The following STON2 variants were observed in gnomAD, a reference collection of about 807,000 sequenced individuals.
STON2 encodes the protein stonin-2.
A neutral mutation model predicts 65.7 loss-of-function variants in STON2; 29 were observed. The observed-to-expected ratio is 0.44, with a 90% CI of 0.33 to 0.60. STON2 has a LOEUF of 0.60. Ranked by LOEUF, STON2 falls within the 20% of genes least tolerant of loss-of-function variation. STON2 has a pLI of 0.03. For synonymous variants in STON2, 404 were observed against 414.2 expected (o/e 0.98, Z 0.30); for missense variants, 1,054 against 1,118.1 (o/e 0.94, Z 0.82).
At chr14:81,286,011 GGTGGCGGGCACCTGTA>G (rs71107116) in intron 5 of STON2, among the ~76,000 whole-genome samples, 19,586 of 152,084 alleles carry the variant, frequency 0.13, 1,424 homozygotes, top group Middle Eastern at 0.16. Flanking sequence ...AGCTGGGCAT[GGTGGCGGGCACCTGTA>G]GTCCCAGCCA....
chr14:81,293,849 G>A (rs1895658117), intron 5 of STON2, among the ~76,000 whole-genome samples: 1 of 152,116 alleles, frequency 6.6e-6, no homozygotes, highest in South Asian at 2.1e-4. Flanking sequence ...ACAGGTAGGG[G>A]AATGCTCAAG....
chr14:81,371,155 C>A lies in STON2; in HGVS notation c.404G>T (p.Cys135Phe). 1 of 1,614,146 alleles carries A rather than the reference C, an allele frequency of 6.2e-7. No homozygotes were observed. The change falls in exon 4 of 8, where the codon TGC becomes TTC. Residue 135 changes from cysteine (C) to phenylalanine (F), a missense_variant. Coordinates refer to ENST00000614646, the MANE Select transcript of STON2 (RefSeq NM_001394390.1). ...TCTCCCCAGGGAGTCAAAGGAAGGG[C>A]ATGTCCAGCAGGGCATGGTCAATGG... ...ALPLTMPCWTCPSFDSLGRCP... is the reference protein window; with the variant it reads ...ALPLTMPCWTFPSFDSLGRCP...
chr14:81,389,194 G>C (rs1899962288), intron 3 of STON2, among the ~76,000 whole-genome samples: 1 of 152,218 alleles, frequency 6.6e-6, no homozygotes, highest in African/African-American at 2.4e-5. Context: ...GAAAGAGTCA[G>C]TTTGCTCCAG....
intron 3 of STON2, among the ~76,000 whole-genome samples, chr14:81,373,239 A>G (rs1260035345): frequency 6.6e-6 from 1 of 152,198 alleles, no homozygotes. Flanking sequence ...TATCAACAGA[A>G]GCACCACAAA....
intron 4 of STON2, among the ~76,000 whole-genome samples, chr14:81,370,112 T>C: frequency 6.6e-6 from 1 of 152,188 alleles, no homozygotes; most frequent in East Asian, 1.9e-4. Flanking sequence ...CTCTCTATAC[T>C]TGTAGAATTG....
Position 81,277,133 on chromosome 14 carries a change from C to A in STON2, c.2349G>T (p.Glu783Asp). The A allele has an allele frequency of 1.2e-6, 2 of 1,614,228 alleles. No individual in the cohort carries two copies. Among genetic ancestry groups the A allele is most frequent in the Non-Finnish European group, 1.7e-6 (2 of 1,180,038 alleles). ...GCACAGGGTAACGGATCATCACATT[C>A]TCACAGGGAACCTGAGTGAGGGGGT... ...NRDPLTQVPCENVMIRYPVPS... is the reference protein window; with the variant it reads ...NRDPLTQVPCDNVMIRYPVPS... The change falls in exon 6 of 8, where the codon GAG becomes GAT. Residue 783 changes from glutamate (E) to aspartate (D), a missense_variant. Transcript: ENST00000614646.
At chr14:81,288,731 G>A (rs988271999) in intron 5 of STON2, among the ~76,000 whole-genome samples, 3 of 150,144 alleles carry the variant, frequency 2.0e-5, no homozygotes, top group Admixed American at 6.6e-5. Flanking sequence ...AGTGAAAAGG[G>A]GGCTCTTTTT....
At chr14:81,302,184 G>A (rs979772485) in intron 5 of STON2, among the ~76,000 whole-genome samples, 1 of 152,200 alleles carries the variant, frequency 6.6e-6, no homozygotes, top group Non-Finnish European at 1.5e-5. Context: ...CACCATATCA[G>A]CTGCCCCTCT....
At chr14:81,367,676 G>A (rs1267537930) in intron 4 of STON2, among the ~76,000 whole-genome samples, 2 of 152,156 alleles carry the variant, frequency 1.3e-5, no homozygotes, top group African/African-American at 4.8e-5. Context: ...AGCCTCATGG[G>A]TTATTACAGC....
intron 5 of STON2, among the ~76,000 whole-genome samples, chr14:81,281,253 C>T (rs1045052374): frequency 7.9e-5 from 12 of 152,052 alleles, no homozygotes; most frequent in Non-Finnish European, 1.2e-4. Flanking sequence ...GAAGGGAAAA[C>T]GGTCAGGAAA....
At chr14:81,295,223 G>T (rs1895713042) in intron 5 of STON2, among the ~76,000 whole-genome samples, 1 of 152,146 alleles carries the variant, frequency 6.6e-6, no homozygotes, top group Non-Finnish European at 1.5e-5. Flanking sequence ...TACTCTGGAG[G>T]CTGAGGCAGG....
intron 4 of STON2, among the ~76,000 whole-genome samples, chr14:81,345,445 C>T (rs888910777): frequency 4.6e-5 from 7 of 152,294 alleles, no homozygotes; most frequent in African/African-American, 1.4e-4. Flanking sequence ...AAGAAACCAA[C>T]TCTACTGACA....
At chr14:81,430,538 C>T (rs1902186921) in intron 1 of STON2, among the ~76,000 whole-genome samples, 1 of 152,156 alleles carries the variant, frequency 6.6e-6, no homozygotes, top group South Asian at 2.1e-4. Flanking sequence ...GGGCACCAGT[C>T]CAAGTTAGTA....
chr14:81,300,500 A>G (rs1895931007), intron 5 of STON2, among the ~76,000 whole-genome samples: 1 of 152,206 alleles, frequency 6.6e-6, no homozygotes, highest in South Asian at 2.1e-4. Context: ...TGATAAAAGA[A>G]TACATAACTC....
At chr14:81,276,750 T>G (rs1894835294) in intron 6 of STON2, 151 bp downstream of exon 6, 29 of 850,050 alleles carry the variant, frequency 3.4e-5, no homozygotes, top group Non-Finnish European at 5.4e-5. Flanking sequence ...CTTACCTTGC[T>G]CAATTATTTT....
In STON2 at chr14:81,266,978, ATATC is replaced by A; in HGVS notation, c.*1432_*1435del. On this transcript the variant is annotated 3_prime_UTR_variant, in exon 8 of 8. Coordinates refer to ENST00000614646, the MANE Select transcript of STON2 (RefSeq NM_001394390.1). ...ATTTCAAAATACTGTAACTATTTCT[ATATC>A]CCAGTGTCAATACACATTTAGACTC... is the stretch of plus-strand genomic sequence containing the variant. 1 of 985,332 alleles carries A rather than the reference ATATC, an allele frequency of 1.0e-6. No individual in the cohort carries two copies. The highest frequency in any genetic ancestry group is 1.2e-6 in the Non-Finnish European group (1 of 829,824). 61.0% of individuals were successfully genotyped at this position (985,332 alleles called of 1,614,324 possible). A position where few individuals can be genotyped will look rare whatever the true frequency, so the allele number is the denominator to read the frequency against.
Position 81,277,219 on chromosome 14 carries a change from C to A in STON2, c.2263G>T (p.Gly755Trp). The change falls in exon 6 of 8, where the codon GGG (glycine) becomes TGG (tryptophan). Residue 755 changes from glycine to tryptophan, a missense_variant. Physicochemically the swap from Gly to Trp is radical, Grantham distance 184. Transcript: ENST00000614646. ...FTLRTATSVN[G>W]AEVEVQSWLR... ...CAGCTCTGCACCTCCACCTCTGCCC[C>A]ATTGACACTTGTGGCCGTCCTGAGT... is the stretch of plus-strand genomic sequence containing the variant. The A allele has an allele frequency of 6.2e-7, 1 of 1,614,212 alleles. No homozygotes were observed. Among genetic ancestry groups the A allele is most frequent in the Non-Finnish European group, 8.5e-7 (1 of 1,180,046 alleles).
At chr14:81,392,947 GA>G (rs1815452191) in intron 3 of STON2, among the ~76,000 whole-genome samples, 1 of 152,162 alleles carries the variant, frequency 6.6e-6, no homozygotes, top group African/African-American at 2.4e-5. Flanking sequence ...TCAATGCAGT[GA>G]AAAGGCAAAT....
chr14:81,269,138 TA>T, intron 7 of STON2: 1 of 172,470 alleles, frequency 5.8e-6, no homozygotes, highest in Non-Finnish European at 1.2e-5. Context: ...CCAGAGTAGC[TA>T]AGATTACAGG....
Sources: gnomAD v4.1 joint callset for allele counts (sites outside exome capture counted in the v4.1 genomes callset) on GRCh38, gnomAD v4.1.1 for gene constraint, MANE v1.5 for transcripts, NCBI Gene and HGNC (gene_info 2026-07-23, HGNC 2026-07-21) for gene names.